The following KIAA1671 variants were observed in gnomAD, a reference collection of about 807,000 sequenced individuals.
KIAA1671 encodes uncharacterized protein KIAA1671.
Under a neutral mutation model 131.2 loss-of-function variants are expected in KIAA1671, and 52 were observed. That is an observed-to-expected ratio of 0.40 (90% CI 0.32 to 0.50). The LOEUF is 0.50. Ranked by LOEUF, KIAA1671 falls within the 20% of genes least tolerant of loss-of-function variation. The pLI, the probability that KIAA1671 is intolerant of heterozygous loss-of-function variation, is 0.73. For synonymous variants in KIAA1671, 1,003 were observed against 961.6 expected, an observed-to-expected ratio of 1.04 and a Z score of -0.80; for missense variants, 2,360 against 2,364.2, an observed-to-expected ratio of 1.00 and a Z score of 0.04.
chr22:25,015,554 A>T (rs965429368), intron 1 of KIAA1671, among the ~76,000 whole-genome samples: 15 of 152,312 alleles, frequency 9.8e-5, no homozygotes, highest in African/African-American at 3.4e-4. Context: ...CAGCAGCTGC[A>T]CTTGGACAAG....
chr22:25,085,803 GAGGGAGGA>G (rs1370126434), intron 6 of KIAA1671, among the ~76,000 whole-genome samples: 3 of 127,304 alleles, frequency 2.4e-5, no homozygotes, highest in Non-Finnish European at 3.2e-5. Context: ...GGGAGGGAGG[GAGGGAGGA>G]AGGGAGGAAG....
At chr22:25,145,792 T>C (rs1176702003) in intron 6 of KIAA1671, among the ~76,000 whole-genome samples, 1 of 151,988 alleles carries the variant, frequency 6.6e-6, no homozygotes, top group Non-Finnish European at 1.5e-5. Context: ...AATTAAAAAC[T>C]AGCTGCATAT....
intron 6 of KIAA1671, chr22:25,070,496 T>C: frequency 2.4e-6 from 1 of 416,486 alleles, no homozygotes; most frequent in Non-Finnish European, 4.4e-6. Context: ...CAACTTTGCT[T>C]TTTGGCTGTG....
chr22:25,019,093 T>TGTGTGTG (rs56396537), intron 1 of KIAA1671, among the ~76,000 whole-genome samples: 2 of 146,116 alleles, frequency 1.4e-5, no homozygotes, highest in South Asian at 4.4e-4. Flanking sequence ...TGTGTGTGTG[T>TGTGTGTG]TTTAATTAAG....
At chr22:25,142,152 A>G (rs1318268664) in intron 6 of KIAA1671, among the ~76,000 whole-genome samples, 1 of 152,138 alleles carries the variant, frequency 6.6e-6, no homozygotes, top group South Asian at 2.1e-4. Flanking sequence ...AATCCCTGCA[A>G]TTCCACACTA....
intron 6 of KIAA1671, among the ~76,000 whole-genome samples, chr22:25,098,862 G>A (rs1187633063): frequency 1.3e-5 from 2 of 152,218 alleles, no homozygotes; most frequent in African/African-American, 4.8e-5. Flanking sequence ...AACAGCGTGG[G>A]TGGCGCAAAA....
intron 1 of KIAA1671, among the ~76,000 whole-genome samples, chr22:24,953,717 G>C (rs1253990372): frequency 6.6e-6 from 1 of 151,986 alleles, no homozygotes; most frequent in Non-Finnish European, 1.5e-5. Flanking sequence ...GGGACGCCGC[G>C]CCTTAAAACC....
chr22:24,991,177 G>T (rs1206304370), intron 1 of KIAA1671, among the ~76,000 whole-genome samples: 2 of 151,760 alleles, frequency 1.3e-5, no homozygotes, highest in Non-Finnish European at 2.9e-5. Context: ...ACACCACCAT[G>T]CCCAGCTAAT....
rs1241131619 is a variant in KIAA1671, at chr22:25,029,670, G to A, written c.1541+130G>A. 1.0e-5 allele frequency: 7 copies of A among 685,982 alleles called. No homozygotes were observed. In the South Asian group the frequency reaches 1.0e-4, roughly 10 times the overall value. 42.5% of individuals were successfully genotyped at this position (685,982 alleles called of 1,614,324 possible). On this transcript the variant is annotated intron_variant, in intron 3 of 12. Transcript: ENST00000358431. Reference sequence around the variant, plus strand: ...ACCCATAGCCCAAGAGGAGGTAGTGGCAGTGTCCATTTCTCAGATGAGAAA... The same window carrying A: ...ACCCATAGCCCAAGAGGAGGTAGTGACAGTGTCCATTTCTCAGATGAGAAA...
intron 6 of KIAA1671, among the ~76,000 whole-genome samples, chr22:25,069,175 T>G (rs6004419): frequency 3.1e-4 from 47 of 151,988 alleles, no homozygotes; most frequent in Non-Finnish European, 5.7e-4. Flanking sequence ...GTAGAAGTGA[T>G]GATACTGCCC....
Position 25,185,081 on chromosome 22 carries a change from C to A in KIAA1671, c.5304C>A (p.Gly1768=). Reference sequence around the variant, plus strand: ...CCCCCTTCCAGCCTGGGGTGCTGGGCAGTCGCGTGCTGCCTTCCAGCATGG... The same window carrying A: ...CCCCCTTCCAGCCTGGGGTGCTGGGAAGTCGCGTGCTGCCTTCCAGCATGG... ...PKSPFQPGVL[G]SRVLPSSMDK... is the part of the protein sequence containing the mutation. The change falls in exon 11 of 13, where the codon GGC becomes GGA. Residue 1768 remains glycine (G), a synonymous_variant. Transcript: ENST00000358431. 1.3e-6 allele frequency: 2 copies of A among 1,551,594 alleles called. No individual in the cohort carries two copies. The highest frequency in any genetic ancestry group is 1.7e-6 in the Non-Finnish European group (2 of 1,146,962).
intron 6 of KIAA1671, among the ~76,000 whole-genome samples, chr22:25,088,000 G>A (rs1473960919): frequency 6.6e-6 from 1 of 152,196 alleles, no homozygotes; most frequent in Non-Finnish European, 1.5e-5. Context: ...AAATTGGCTA[G>A]CATGGAGTAG....
intron 1 of KIAA1671, among the ~76,000 whole-genome samples, chr22:24,971,120 C>A (rs147731624): frequency 0.023 from 3,512 of 152,242 alleles, 66 homozygotes; most frequent in Non-Finnish European, 0.037. Context: ...CCATGCCCAG[C>A]TAATTTTGTA....
At chr22:25,177,229 G>C in intron 8 of KIAA1671, 119 bp from the exon 9 acceptor site, 2 of 957,646 alleles carry the variant, frequency 2.1e-6, no homozygotes, top group Non-Finnish European at 1.5e-6. Context: ...CCCTGGCCTA[G>C]GTACCACCTA....
At chr22:25,118,143 A>C (rs1931770396) in intron 6 of KIAA1671, among the ~76,000 whole-genome samples, 1 of 50,888 alleles carries the variant, frequency 2.0e-5, no homozygotes, top group African/African-American at 2.9e-4. Flanking sequence ...TGTCTCAAAA[A>C]AAAAAAAAAA....
chr22:25,179,285 A>G, intron 9 of KIAA1671: 2 of 1,565,486 alleles, frequency 1.3e-6, no homozygotes, highest in Non-Finnish European at 1.7e-6. Flanking sequence ...CTCTCGCAGG[A>G]TGGGCGCCGC....
At chr22:25,179,495 A>T (rs1243921863) in intron 9 of KIAA1671, 3 of 1,612,392 alleles carry the variant, frequency 1.9e-6, no homozygotes, top group Non-Finnish European at 2.5e-6. Context: ...CGCCTTGTGC[A>T]GCACCTCCCG....
chr22:25,061,633 T>G (rs1003213823), intron 6 of KIAA1671: 1 of 152,278 alleles, frequency 6.6e-6, no homozygotes, highest in Non-Finnish European at 1.5e-5. Flanking sequence ...AGCCTCATTT[T>G]ATGTCTGAAG....
chr22:25,159,675 C>T (rs1176823287), intron 6 of KIAA1671, among the ~76,000 whole-genome samples: 1 of 152,150 alleles, frequency 6.6e-6, no homozygotes, highest in East Asian at 1.9e-4. Flanking sequence ...CCAAGCTTCC[C>T]ATTTTACAGA....
Sources: gnomAD v4.1 joint callset for allele counts (sites outside exome capture counted in the v4.1 genomes callset) on GRCh38, gnomAD v4.1.1 for gene constraint, MANE v1.5 for transcripts, NCBI Gene and HGNC (gene_info 2026-07-23, HGNC 2026-07-21) for gene names.